ABCC4: variants seen among roughly 807,000 people sequenced by gnomAD.
ABCC4 encodes ATP-binding cassette sub-family C member 4.
A neutral mutation model predicts 168.5 loss-of-function variants in ABCC4; 102 were observed. That is an observed-to-expected ratio of 0.61 (90% CI 0.52 to 0.71). ABCC4 has a LOEUF of 0.71. Among genes scored for constraint, ABCC4 ranks in the 30% least tolerant of loss-of-function variants. ABCC4 has a pLI of 0.00. For synonymous variants in ABCC4, 617 were observed against 590.7 expected (o/e 1.04, Z -0.65); for missense variants, 1,402 against 1,605.8 (o/e 0.87, Z 2.17).
chr13:95,098,951 T>C (rs549419590), intron 20 of ABCC4, among the ~76,000 whole-genome samples: 1 of 152,330 alleles, frequency 6.6e-6, no homozygotes, highest in African/African-American at 2.4e-5. Flanking sequence ...ACAACCATTA[T>C]AAAAATCCTT....
chr13:95,031,069 T>G (rs1359691316), intron 30 of ABCC4, among the ~76,000 whole-genome samples: 1 of 152,220 alleles, frequency 6.6e-6, no homozygotes, highest in Non-Finnish European at 1.5e-5. Flanking sequence ...GAAAAGCTTG[T>G]TGATTTAGAC....
intron 27 of ABCC4, among the ~76,000 whole-genome samples, chr13:95,051,959 C>T (rs1189207138): frequency 1.3e-5 from 2 of 152,070 alleles, no homozygotes; most frequent in African/African-American, 4.8e-5. Context: ...GCCACCGGGC[C>T]TGGCCAATTT....
At chr13:95,136,026 A>C (rs79216470) in intron 19 of ABCC4, among the ~76,000 whole-genome samples, 2,263 of 152,284 alleles carry the variant, frequency 0.015, 61 homozygotes, top group East Asian at 0.11. Context: ...GCAAAATTAA[A>C]ACACAGTTTT....
In ABCC4 at chr13:95,058,594, A is replaced by AAAAAAAAAAAG. The variant is rs2033163283; in HGVS notation, c.3366+4109_3366+4110insCTTTTTTTTTT. Among the ~76,000 whole-genome samples the AAAAAAAAAAAG allele has an allele frequency of 3.9e-4, 16 of 41,422 alleles. 1 individual carries two copies. Among genetic ancestry groups the AAAAAAAAAAAG allele is most frequent in the East Asian group, 7.9e-4 (1 of 1,258 alleles). The allele number at this position is 41,422 out of a possible 152,430, so 27.2% of individuals were successfully genotyped here. A position where few individuals can be genotyped will look rare whatever the true frequency, so the allele number is the denominator to read the frequency against. On this transcript the variant is annotated intron_variant, in intron 26 of 30. Transcript: ENST00000645237. The stretch of plus-strand genomic sequence containing the variant: ...AAAAAAAAAAAAAAAAAAAAAAAAG[A>AAAAAAAAAAAG]AAAGAAAAAGAAAAAGAAAAGAAAA...
chr13:95,279,856 A>G (rs557874563), intron 1 of ABCC4, among the ~76,000 whole-genome samples: 1 of 152,286 alleles, frequency 6.6e-6, no homozygotes, highest in Admixed American at 6.5e-5. Flanking sequence ...CCCCAGGAAC[A>G]ACAGAGCTGA....
In ABCC4 at chr13:95,024,190, G is replaced by C. The variant is rs554470792; in HGVS notation, c.3871-2508C>G. On this transcript the variant is annotated intron_variant, in intron 30 of 30. Transcript: ENST00000645237. ...ACACTACACTCCAGCCTGGGTGACA[G>C]AGTGAGAGACTGTCTCAAAAAAAAA... Among the ~76,000 whole-genome samples the C allele has an allele frequency of 8.0e-5, 11 of 137,720 alleles. No homozygotes were observed. The East Asian group carries it at 2.2e-3, about 28-fold the overall frequency. 90.3% of individuals were successfully genotyped at this position (137,720 alleles called of 152,430 possible).
intron 30 of ABCC4, among the ~76,000 whole-genome samples, chr13:95,030,112 C>T (rs1464034566): frequency 3.3e-5 from 5 of 152,008 alleles, no homozygotes; most frequent in African/African-American, 7.3e-5. Context: ...CCTCCATCTC[C>T]TGGGTTCAAG....
Position 95,083,145 on chromosome 13 carries a change from G to C in ABCC4, c.2681C>G (p.Ser894Cys). The C allele has an allele frequency of 1.9e-6, 3 of 1,613,830 alleles. No individual in the cohort carries two copies. Among genetic ancestry groups the C allele is most frequent in the Non-Finnish European group, 2.5e-6 (3 of 1,179,852 alleles). The change falls in exon 21 of 31, where the codon TCT becomes TGT. Residue 894 changes from serine to cysteine, a missense_variant. Transcript: ENST00000645237. ...ETSRDVKRLE[S>C]TTRSPVFSHL... ...ACCCGAGTTTCCATACTCACTTGTA[G>C]ATTCCAGGCGCTTCACATCTCTTGA...
At chr13:95,242,452 T>C (rs2138787474) in intron 3 of ABCC4, among the ~76,000 whole-genome samples, 1 of 152,250 alleles carries the variant, frequency 6.6e-6, no homozygotes, top group East Asian at 1.9e-4. Context: ...GGTCTCGAAC[T>C]CCTGACCTTG....
intron 1 of ABCC4, chr13:95,269,239 C>A: frequency 4.4e-6 from 2 of 453,746 alleles, no homozygotes; most frequent in Non-Finnish European, 8.9e-6. Flanking sequence ...TGGGCTGGGC[C>A]ACCCTGATTT....
intron 4 of ABCC4, among the ~76,000 whole-genome samples, chr13:95,221,930 C>T (rs1286014079): frequency 6.6e-6 from 1 of 152,196 alleles, no homozygotes; most frequent in Non-Finnish European, 1.5e-5. Context: ...TTGTTCCCTT[C>T]GCCATCCTCT....
chr13:95,112,350 CAAAA>C (rs35484789), intron 20 of ABCC4, among the ~76,000 whole-genome samples: 1 of 131,686 alleles, frequency 7.6e-6, no homozygotes. Flanking sequence ...GAGACCATCT[CAAAA>C]AAAAAAAAAA....
At chr13:95,299,026 G>A (rs1357254706) in intron 1 of ABCC4, among the ~76,000 whole-genome samples, 1 of 152,030 alleles carries the variant, frequency 6.6e-6, no homozygotes, top group African/African-American at 2.4e-5. Flanking sequence ...GCCGAAGCGG[G>A]AGGAACACTT....
rs912023598 is a variant in ABCC4 at position 95,301,397 on chromosome 13, G to A, written c.-83C>T. On this transcript the variant is annotated 5_prime_UTR_variant, in exon 1 of 31. Coordinates refer to ENST00000645237, the MANE Select transcript of ABCC4 (RefSeq NM_005845.5). ...GGGCTCCGCTCCTGGACCTCAAGCA[G>A]GGATGCTGGGGCTCCGGCCGCCACG... The A allele has an allele frequency of 1.1e-5, 14 of 1,238,166 alleles. No homozygotes were observed. The highest frequency in any genetic ancestry group is 1.6e-5 in the African/African-American group (1 of 63,408). 76.7% of individuals were successfully genotyped at this position (1,238,166 alleles called of 1,614,324 possible).
chr13:95,206,804 A>T lies in ABCC4; in HGVS notation c.912-23T>A, dbSNP rs6413442. 0.019 allele frequency: 31,164 copies of T among 1,611,212 alleles called. 3,911 individuals carry two copies. In the African/African-American group the frequency reaches 0.31, roughly 16 times the overall value. Reference sequence around the variant, plus strand: ...TTCCTGAAAGAGAGTACAGGTTTTTAAAAAAGCAGTGATGTCAACCAGATA... The same window carrying T: ...TTCCTGAAAGAGAGTACAGGTTTTTTAAAAAGCAGTGATGTCAACCAGATA... On this transcript the variant is annotated intron_variant, in intron 7 of 30. Transcript: ENST00000645237.
intron 14 of ABCC4, among the ~76,000 whole-genome samples, chr13:95,168,012 A>G (rs1025290231): frequency 6.6e-6 from 1 of 152,086 alleles, no homozygotes; most frequent in Admixed American, 6.5e-5. Context: ...GATCACAGGC[A>G]GCGCCACCAG....
intron 9 of ABCC4, among the ~76,000 whole-genome samples, chr13:95,190,777 C>T (rs1251677077): frequency 6.6e-6 from 1 of 152,202 alleles, no homozygotes; most frequent in Non-Finnish European, 1.5e-5. Flanking sequence ...CATTTATAAT[C>T]TTCGTCTGAA....
chr13:95,030,486 T>C (rs2031828965), intron 30 of ABCC4, among the ~76,000 whole-genome samples: 1 of 152,190 alleles, frequency 6.6e-6, no homozygotes, highest in African/African-American at 2.4e-5. Context: ...ATTCCTATGT[T>C]GAAGTCCTAA....
intron 1 of ABCC4, among the ~76,000 whole-genome samples, chr13:95,250,744 T>C (rs2040231581): frequency 6.8e-6 from 1 of 147,598 alleles, no homozygotes; most frequent in African/African-American, 2.5e-5. Context: ...TGAGAAGTTC[T>C]GAATACTGGT....
Sources: allele counts gnomAD v4.1 joint callset (sites outside exome capture counted in the v4.1 genomes callset), GRCh38; gene constraint gnomAD v4.1.1; transcripts MANE v1.5; gene names NCBI Gene and HGNC (gene_info 2026-07-23, HGNC 2026-07-21).